Variants in DCLK1 observed in about 807,000 individuals in gnomAD.
DCLK1 encodes doublecortin like kinase 1, also known as serine/threonine-protein kinase DCLK1.
DCLK1 carries 16 observed loss-of-function variants against 86.2 expected under a neutral mutation model. The observed-to-expected ratio is 0.19, with a 90% CI of 0.13 to 0.28. The LOEUF (loss-of-function observed/expected upper bound fraction) is 0.28. DCLK1 is among the 10% of genes least tolerant of loss of function. The probability of loss-of-function intolerance (pLI) is 1.00; values close to 1 mark genes in which losing one functional copy is unlikely to be tolerated. For missense variants in DCLK1, 590 were observed against 940.2 expected, an observed-to-expected ratio of 0.63 and a Z score of 4.87; for synonymous variants, 369 against 370.5, an observed-to-expected ratio of 1.00 and a Z score of 0.05.
At chr13:35,934,436 G>T (rs1050579491) in intron 4 of DCLK1, among the ~76,000 whole-genome samples, 19 of 152,180 alleles carry the variant, frequency 1.2e-4, no homozygotes, top group Non-Finnish European at 2.5e-4. Flanking sequence ...CACATCGCTG[G>T]GGAAGCCTCA....
At chr13:35,812,327 G>A (rs925450618) in intron 11 of DCLK1, among the ~76,000 whole-genome samples, 7 of 152,028 alleles carry the variant, frequency 4.6e-5, no homozygotes, top group East Asian at 1.9e-4. Context: ...CAATCTTCAC[G>A]AATGCCTCAA....
chr13:35,912,107 C>T (rs1875075614), intron 4 of DCLK1, among the ~76,000 whole-genome samples: 1 of 152,180 alleles, frequency 6.6e-6, no homozygotes, highest in African/African-American at 2.4e-5. Flanking sequence ...AATCACGGCC[C>T]TCCCTTTCTG....
intron 4 of DCLK1, among the ~76,000 whole-genome samples, chr13:35,890,304 A>G (rs1020951787): frequency 4.6e-5 from 7 of 152,140 alleles, no homozygotes; most frequent in African/African-American, 1.7e-4. Flanking sequence ...ATATGTGTGT[A>G]TGTGTTTTCC....
intron 3 of DCLK1, among the ~76,000 whole-genome samples, chr13:35,949,332 T>C (rs9601720): frequency 0.017 from 2,617 of 152,322 alleles, 70 homozygotes; most frequent in East Asian, 0.054. Flanking sequence ...AACTTTTTTC[T>C]CACACAGCAT....
At chr13:36,038,053 T>C (rs1356369152) in intron 3 of DCLK1, among the ~76,000 whole-genome samples, 1 of 152,180 alleles carries the variant, frequency 6.6e-6, no homozygotes, top group Non-Finnish European at 1.5e-5. Flanking sequence ...GACTGTGACA[T>C]TTATTTTTCC....
At chr13:35,828,013 AT>A (rs1868626054) in intron 9 of DCLK1, among the ~76,000 whole-genome samples, 2 of 152,324 alleles carry the variant, frequency 1.3e-5, no homozygotes, top group African/African-American at 4.8e-5. Flanking sequence ...CTTAGATCAC[AT>A]TAAGAAGGGA....
intron 3 of DCLK1, among the ~76,000 whole-genome samples, chr13:35,954,523 T>C (rs1184912981): frequency 6.6e-6 from 1 of 152,198 alleles, no homozygotes; most frequent in Non-Finnish European, 1.5e-5. Flanking sequence ...CTAAAATATG[T>C]TTACAATCAG....
At chr13:35,924,983 G>A (rs1876030973) in intron 4 of DCLK1, among the ~76,000 whole-genome samples, 2 of 152,306 alleles carry the variant, frequency 1.3e-5, no homozygotes, top group Admixed American at 1.3e-4. Context: ...GCTAAAATAT[G>A]CACTATCTTG....
intron 4 of DCLK1, among the ~76,000 whole-genome samples, chr13:35,924,753 C>T (rs1054107589): frequency 6.6e-6 from 1 of 152,118 alleles, no homozygotes; most frequent in Non-Finnish European, 1.5e-5. Flanking sequence ...ATTAAATTCC[C>T]ATGAAGGAGC....
chr13:35,922,099 T>G lies in DCLK1; in HGVS notation c.823+25259A>C, dbSNP rs953942938. ...CTTGAAACATATAGGTAGGGCGGTT[T>G]TTGTTTACTTTTTAAAATCATCACT... On this transcript the variant is annotated intron_variant, in intron 4 of 16. Transcript: ENST00000360631. Among the ~76,000 whole-genome samples the G allele has an allele frequency of 2.6e-5, 4 of 152,214 alleles. No individual in the cohort carries two copies. The South Asian group carries it at 8.3e-4, about 31-fold the overall frequency.
intron 3 of DCLK1, among the ~76,000 whole-genome samples, chr13:36,029,400 T>G (rs910841347): frequency 1.3e-5 from 2 of 152,234 alleles, no homozygotes; most frequent in African/African-American, 4.8e-5. Flanking sequence ...GGGTCTGTCT[T>G]ATTTTCCTTA....
intron 15 of DCLK1, among the ~76,000 whole-genome samples, chr13:35,799,378 A>C (rs963724710): frequency 6.6e-6 from 1 of 152,108 alleles, no homozygotes; most frequent in Non-Finnish European, 1.5e-5. Context: ...CAGCCTCCCA[A>C]GTAGCTGGGA....
Position 35,828,791 on chromosome 13 carries a change from G to A in DCLK1, c.1230-484C>T, listed in dbSNP as rs547810460. 4.0e-4 allele frequency among the ~76,000 whole-genome samples: 61 copies of A among 152,166 alleles called. No individual in the cohort carries two copies. The Middle Eastern group carries it at 0.01, about 25-fold the overall frequency. On this transcript the variant is annotated intron_variant, in intron 8 of 16. Coordinates refer to ENST00000360631, the MANE Select transcript of DCLK1 (RefSeq NM_001330071.2). ...CAGCCTAAAGCAGAGATGAGTTTCC[G>A]CCCTTCCCCTTTCCTCAAGTCTCTC...
intron 3 of DCLK1, among the ~76,000 whole-genome samples, chr13:36,062,848 T>A (rs1883604662): frequency 6.6e-6 from 1 of 152,186 alleles, no homozygotes; most frequent in Non-Finnish European, 1.5e-5. Context: ...TAATCCAACT[T>A]GACAATATGT....
intron 3 of DCLK1, among the ~76,000 whole-genome samples, chr13:36,043,766 T>C (rs1882777646): frequency 6.6e-6 from 1 of 152,298 alleles, no homozygotes; most frequent in South Asian, 2.1e-4. Context: ...GTTCTTAAAT[T>C]GTATAAAACA....
chr13:35,892,693 C>T (rs1207509356), intron 4 of DCLK1, among the ~76,000 whole-genome samples: 8 of 152,166 alleles, frequency 5.3e-5, no homozygotes, highest in Non-Finnish European at 5.9e-5. Context: ...TTTTAGTCCA[C>T]GCCTTGCACT....
chr13:36,050,855 C>G (rs1247779818), intron 3 of DCLK1, among the ~76,000 whole-genome samples: 1 of 152,054 alleles, frequency 6.6e-6, no homozygotes, highest in East Asian at 1.9e-4. Flanking sequence ...CAAGGACATC[C>G]CTTGCTCTCT....
At chr13:36,126,728 T>G (rs1338466570) in intron 1 of DCLK1, among the ~76,000 whole-genome samples, 1 of 152,150 alleles carries the variant, frequency 6.6e-6, no homozygotes, top group African/African-American at 2.4e-5. Context: ...AAGAGGCCGA[T>G]CCCAGTGGAA....
chr13:36,017,650 G>C (rs557220884), intron 3 of DCLK1, among the ~76,000 whole-genome samples: 1 of 152,208 alleles, frequency 6.6e-6, no homozygotes, highest in South Asian at 2.1e-4. Context: ...CATTAATATG[G>C]TGTGTGTAGG....
Sources: allele counts gnomAD v4.1 joint callset (sites outside exome capture counted in the v4.1 genomes callset), GRCh38; gene constraint gnomAD v4.1.1; transcripts MANE v1.5; gene names NCBI Gene and HGNC (gene_info 2026-07-23, HGNC 2026-07-21).